The following NFKB1 variants were observed in gnomAD, a reference collection of about 807,000 sequenced individuals.
The protein encoded by NFKB1 is nuclear factor kappa B subunit 1.
Under a neutral mutation model 105.1 loss-of-function variants are expected in NFKB1, and 9 were observed. That is an observed-to-expected ratio of 0.09 (90% CI 0.05 to 0.15). The LOEUF is 0.15. NFKB1 is among the 10% of genes least tolerant of loss of function. NFKB1 has a pLI of 1.00. For synonymous variants in NFKB1, 440 were observed against 442.2 expected (o/e 1.00, Z 0.06); for missense variants, 830 against 1,203.7 (o/e 0.69, Z 4.59).
At chr4:102,586,332 A>G (rs1725710523) in intron 11 of NFKB1, among the ~76,000 whole-genome samples, 1 of 152,156 alleles carries the variant, frequency 6.6e-6, no homozygotes, top group Non-Finnish European at 1.5e-5. Flanking sequence ...TGATGAAAGG[A>G]ACAAGGGAGC....
chr4:102,556,722 A>G (rs536464322), intron 5 of NFKB1, among the ~76,000 whole-genome samples: 31 of 152,306 alleles, frequency 2.0e-4, no homozygotes, highest in African/African-American at 7.2e-4. Context: ...TGTACTTTGT[A>G]GGGAGAAATA....
At chr4:102,575,598 C>T (rs1022579515) in intron 6 of NFKB1, among the ~76,000 whole-genome samples, 7 of 152,156 alleles carry the variant, frequency 4.6e-5, no homozygotes, top group African/African-American at 1.7e-4. Context: ...CGTGGTCCTA[C>T]CGCAGGAATT....
rs750386857 is a variant in NFKB1, at chr4:102,593,500, C to T, written c.1142C>T (p.Ala381Val). ...FSDSFGGGSG[A>V]GAGGGGMFGS... is the part of the protein sequence containing the mutation. ...GATAGTTTCGGCGGTGGTAGTGGTG[C>T]TGGAGCTGGAGGCGGAGGCATGTTT... The change falls in exon 12 of 24, where the codon GCT becomes GTT. Residue 381 changes from alanine (A) to valine (V), a missense_variant. Transcript: ENST00000226574. 1.2e-6 allele frequency: 2 copies of T among 1,613,428 alleles called. No homozygotes were observed. The highest frequency in any genetic ancestry group is 2.2e-5 in the South Asian group (2 of 91,042).
chr4:102,511,935 T>G (rs919898900), intron 1 of NFKB1, among the ~76,000 whole-genome samples: 2 of 152,204 alleles, frequency 1.3e-5, no homozygotes, highest in Non-Finnish European at 2.9e-5. Context: ...ACTTTTGGAT[T>G]ATATGTATGT....
chr4:102,565,454 A>C (rs1723786655), intron 5 of NFKB1, among the ~76,000 whole-genome samples: 5 of 152,140 alleles, frequency 3.3e-5, no homozygotes, highest in Admixed American at 3.3e-4. Context: ...CTTGGATGAA[A>C]TATTGGGTTG....
intron 7 of NFKB1, chr4:102,577,858 G>A: frequency 1.0e-6 from 1 of 985,292 alleles, no homozygotes; most frequent in Non-Finnish European, 1.2e-6. Flanking sequence ...CTTCTCCCTG[G>A]TCTCTGTCCC....
At chr4:102,542,393 A>G (rs1376813406) in intron 5 of NFKB1, among the ~76,000 whole-genome samples, 1 of 152,126 alleles carries the variant, frequency 6.6e-6, no homozygotes, top group Non-Finnish European at 1.5e-5. Context: ...TTAATTATAA[A>G]TTCTTTCAAG....
In NFKB1 at chr4:102,536,589, G is replaced by A. The variant is rs4647995; in HGVS notation, c.160-1269G>A. Among the ~76,000 whole-genome samples the A allele has an allele frequency of 3.3e-3, 504 of 152,292 alleles. 4 individuals are homozygous for A. Among genetic ancestry groups the A allele is most frequent in the African/African-American group, 0.012 (484 of 41,568 alleles). Reference sequence around the variant, plus strand: ...AAGACCCTACTTGGCATAATGAAATGTAGTATAGTCTAAGTAGTGCATACG... The same window carrying A: ...AAGACCCTACTTGGCATAATGAAATATAGTATAGTCTAAGTAGTGCATACG... On this transcript the variant is annotated intron_variant, in intron 4 of 23. Transcript: ENST00000226574.
chr4:102,610,449 T>A, intron 19 of NFKB1, 126 bp from the exon 20 acceptor site: 1 of 910,108 alleles, frequency 1.1e-6, no homozygotes. Context: ...TTTTATGATT[T>A]AAAAATTATC....
intron 7 of NFKB1, among the ~76,000 whole-genome samples, chr4:102,577,374 C>G (rs1049137865): frequency 2.0e-5 from 3 of 152,124 alleles, no homozygotes; most frequent in Admixed American, 6.5e-5. Context: ...AACACCCCAC[C>G]GTTTCCATTT....
rs1726702364 is a variant in NFKB1, at chr4:102,597,329, T to A, written c.1496-191T>A. 2.0e-5 allele frequency among the ~76,000 whole-genome samples: 3 copies of A among 152,246 alleles called. No individual in the cohort carries two copies. In the South Asian group the frequency reaches 6.2e-4, roughly 31 times the overall value. On this transcript the variant is annotated intron_variant, in intron 14 of 23. Transcript: ENST00000226574. ...TTTAAGATCAATCTCTAACTATATT[T>A]GTCAGTGACCCAGTGTCCAATTCTG...
intron 5 of NFKB1, among the ~76,000 whole-genome samples, chr4:102,559,815 T>C (rs966970931): frequency 6.6e-6 from 1 of 151,626 alleles, no homozygotes; most frequent in African/African-American, 2.4e-5. Flanking sequence ...GGCATGCACC[T>C]GTAGTCCTAG....
At position 102,613,703 on chromosome 4, in the gene NFKB1, T is replaced by G. The variant is rs1728665114; in HGVS notation, c.2749+122T>G. 2.6e-5 allele frequency: 30 copies of G among 1,170,398 alleles called. No homozygotes were observed. The South Asian group carries it at 4.2e-4, about 17-fold the overall frequency. 72.5% of individuals were successfully genotyped at this position (1,170,398 alleles called of 1,614,324 possible). A position where few individuals can be genotyped will look rare whatever the true frequency, so the allele number is the denominator to read the frequency against. ...CGTTTTCTGGATACACTTCCCTGTG[T>G]GTCTCTCTACCCCCTGGGCTCACCC... On this transcript the variant is annotated intron_variant, in intron 23 of 23. Coordinates refer to ENST00000226574, the MANE Select transcript of NFKB1 (RefSeq NM_003998.4).
chr4:102,517,685 T>C (rs907573766), intron 1 of NFKB1, among the ~76,000 whole-genome samples: 2 of 152,176 alleles, frequency 1.3e-5, no homozygotes, highest in African/African-American at 4.8e-5. Context: ...AGGAAAAATA[T>C]AGGATTTCTT....
chr4:102,579,088 C>T, intron 8 of NFKB1, 49 bp downstream of exon 8: 2 of 1,567,340 alleles, frequency 1.3e-6, no homozygotes, highest in Non-Finnish European at 1.7e-6. Context: ...AGACTTCCAG[C>T]CCTGCCCTGC....
intron 5 of NFKB1, among the ~76,000 whole-genome samples, chr4:102,550,003 T>G (rs1722450224): frequency 6.6e-6 from 1 of 152,124 alleles, no homozygotes; most frequent in African/African-American, 2.4e-5. Flanking sequence ...TGTTATAAAT[T>G]TGTGATTTTT....
At chr4:102,534,004 A>T in intron 4 of NFKB1, 119 bp downstream of exon 4, 3 of 817,364 alleles carry the variant, frequency 3.7e-6, no homozygotes, top group Non-Finnish European at 5.9e-6. Context: ...AAAGATCAAC[A>T]ACCTGACAAA....
chr4:102,542,851 A>G (rs1459487437), intron 5 of NFKB1, among the ~76,000 whole-genome samples: 1 of 152,206 alleles, frequency 6.6e-6, no homozygotes, highest in Non-Finnish European at 1.5e-5. Flanking sequence ...GTCACAATGT[A>G]GTTTGTACTA....
At chr4:102,514,435 C>A (rs940567904) in intron 1 of NFKB1, among the ~76,000 whole-genome samples, 1 of 152,138 alleles carries the variant, frequency 6.6e-6, no homozygotes, top group South Asian at 2.1e-4. Context: ...AAATTTGTCT[C>A]CTCTTGCCTT....
Sources: allele counts gnomAD v4.1 joint callset (sites outside exome capture counted in the v4.1 genomes callset), GRCh38; gene constraint gnomAD v4.1.1; transcripts MANE v1.5; gene names NCBI Gene and HGNC (gene_info 2026-07-23, HGNC 2026-07-21).